Variants in ATP8A1 observed in about 807,000 individuals in gnomAD.
ATP8A1 encodes the protein phospholipid-transporting ATPase IA.
A neutral mutation model predicts 177.7 loss-of-function variants in ATP8A1; 90 were observed. The ratio of observed to expected loss-of-function variants is 0.51; its 90% CI spans 0.43 to 0.60. The LOEUF (loss-of-function observed/expected upper bound fraction) is 0.60, where lower values mean the gene tolerates loss of function less well. ATP8A1 is among the 20% of genes least tolerant of loss of function. The probability of loss-of-function intolerance (pLI) is 0.00; values close to 1 mark genes in which losing one functional copy is unlikely to be tolerated. For missense variants in ATP8A1, 1,072 were observed against 1,392.8 expected, an observed-to-expected ratio of 0.77 and a Z score of 3.67; for synonymous variants, 493 against 485.9, an observed-to-expected ratio of 1.01 and a Z score of -0.19.
intron 4 of ATP8A1, among the ~76,000 whole-genome samples, chr4:42,617,751 C>T (rs892510437): frequency 6.6e-6 from 1 of 152,174 alleles, no homozygotes; most frequent in Non-Finnish European, 1.5e-5. Context: ...AAACCCAAGG[C>T]GATCTTAAAC....
rs777962264 is a variant in ATP8A1 at position 42,413,028 on chromosome 4, T to C, written c.3398-15A>G. On this transcript the variant is annotated splice_polypyrimidine_tract_variant and intron_variant, in intron 36 of 36. Transcript: ENST00000381668. ...CGCATACCCATCTGTAGGTTAATGA[T>C]AAAACAGAAATTCTCACAAAGGCAC... is the stretch of plus-strand genomic sequence containing the variant. 6.8e-6 allele frequency: 11 copies of C among 1,608,382 alleles called. No individual in the cohort carries two copies. The Admixed American group carries it at 1.7e-4, about 24-fold the overall frequency.
chr4:42,515,981 C>T (rs1725489288), intron 22 of ATP8A1, among the ~76,000 whole-genome samples: 1 of 152,232 alleles, frequency 6.6e-6, no homozygotes, highest in East Asian at 1.9e-4. Flanking sequence ...ACATTTGATA[C>T]CAGTGCCTTC....
At chr4:42,635,782 C>CACACACATATATAT (rs1553920597) in intron 1 of ATP8A1, among the ~76,000 whole-genome samples, 1 of 51,992 alleles carries the variant, frequency 1.9e-5, no homozygotes, top group Admixed American at 2.1e-4. Flanking sequence ...CACACACACA[C>CACACACATATATAT]ATATATATAT....
chr4:42,524,662 T>C, intron 21 of ATP8A1, 101 bp downstream of exon 21: 2 of 653,724 alleles, frequency 3.1e-6, no homozygotes, highest in East Asian at 2.9e-5. Flanking sequence ...TATCTTACTT[T>C]AGGAATCTCT....
chr4:42,618,846 A>G (rs1237604314), intron 4 of ATP8A1, among the ~76,000 whole-genome samples: 2 of 152,108 alleles, frequency 1.3e-5, no homozygotes, highest in Non-Finnish European at 2.9e-5. Flanking sequence ...AGTCTAATAT[A>G]TCTTCATTTT....
chr4:42,600,399 A>T (rs1735126881), intron 6 of ATP8A1, 79 bp downstream of exon 6: 1 of 1,161,966 alleles, frequency 8.6e-7, no homozygotes, highest in Non-Finnish European at 1.2e-6. Context: ...ATTTGCTCAT[A>T]TTATACAAAA....
intron 5 of ATP8A1, 133 bp downstream of exon 5, chr4:42,615,900 C>CA: frequency 1.3e-6 from 1 of 748,428 alleles, no homozygotes; most frequent in South Asian, 2.0e-5. Flanking sequence ...TGCCACAAAG[C>CA]AAAAATCAAT....
At chr4:42,492,498 C>G (rs1374767364) in intron 24 of ATP8A1, among the ~76,000 whole-genome samples, 1 of 152,062 alleles carries the variant, frequency 6.6e-6, no homozygotes, top group Admixed American at 6.6e-5. Flanking sequence ...GGATTAGGGT[C>G]CTTAAAGCAT....
At chr4:42,493,974 G>C (rs1722986668) in intron 24 of ATP8A1, among the ~76,000 whole-genome samples, 1 of 151,904 alleles carries the variant, frequency 6.6e-6, no homozygotes, top group Non-Finnish European at 1.5e-5. Flanking sequence ...GGCCGAGGAA[G>C]GCAGATCACT....
chr4:42,630,525 T>C (rs1738621121), intron 1 of ATP8A1, among the ~76,000 whole-genome samples: 1 of 152,042 alleles, frequency 6.6e-6, no homozygotes, highest in African/African-American at 2.4e-5. Context: ...AGAAGCCTTC[T>C]TTGTCTGTAA....
chr4:42,626,949 C>T, intron 2 of ATP8A1, 46 bp downstream of exon 2: 1 of 1,449,300 alleles, frequency 6.9e-7, no homozygotes, highest in Non-Finnish European at 9.7e-7. Flanking sequence ...ACCTAACCAG[C>T]TCTGCTCTGC....
chr4:42,504,280 C>T (rs551459622), intron 23 of ATP8A1, among the ~76,000 whole-genome samples: 1 of 152,136 alleles, frequency 6.6e-6, no homozygotes, highest in Non-Finnish European at 1.5e-5. Context: ...CTTACTTAAC[C>T]GCAGACACTT....
In ATP8A1 at chr4:42,581,690, A is replaced by C. The variant is rs1560484334; in HGVS notation, c.765T>G (p.Ala255=). ...GAACCCACTGTGTATTTCTCAACTG[A>C]GCTCCTCGAAGAAGAATCTGATCTG... is the stretch of plus-strand genomic sequence containing the variant. ...LGADQILLRG[A]QLRNTQWVHG... Residue 255 remains alanine, a synonymous_variant, in exon 10 of 37, where the codon GCT becomes GCG. Transcript: ENST00000381668. The C allele has an allele frequency of 1.9e-6, 3 of 1,614,118 alleles. No individual in the cohort carries two copies. The highest frequency in any genetic ancestry group is 1.7e-6 in the Non-Finnish European group (2 of 1,180,000).
intron 19 of ATP8A1, among the ~76,000 whole-genome samples, chr4:42,547,161 A>G (rs1045022883): frequency 6.6e-6 from 1 of 152,104 alleles, no homozygotes; most frequent in Non-Finnish European, 1.5e-5. Context: ...CAAACATTTC[A>G]ACCTCCACAT....
At position 42,465,006 on chromosome 4, in the gene ATP8A1, T is replaced by C. The variant is rs1426712920; in HGVS notation, c.2395A>G (p.Ile799Val). ...KKQVKVVTLA[I>V]GDGANDVSMI... ...CTGACATCATTTGCTCCATCACCGA[T>C]TGCAAGCGTTACGACTTTGACTTGT... The change falls in exon 26 of 37, where the codon ATC (isoleucine) becomes GTC (valine). Residue 799 changes from isoleucine (I) to valine (V), a missense_variant. Around this residue, in one of 5 missense-constraint regions of ATP8A1, gnomAD observed 316 missense variants for 459.1 expected, o/e 0.69. Coordinates refer to ENST00000381668, the MANE Select transcript of ATP8A1 (RefSeq NM_006095.2). 4 of 1,614,098 alleles carry C rather than the reference T, an allele frequency of 2.5e-6. No homozygotes were observed. The highest frequency in any genetic ancestry group is 2.7e-5 in the African/African-American group (2 of 74,938).
chr4:42,520,138 T>C (rs1184751539), intron 22 of ATP8A1, among the ~76,000 whole-genome samples: 1 of 152,206 alleles, frequency 6.6e-6, no homozygotes, highest in Non-Finnish European at 1.5e-5. Flanking sequence ...TAAAAAACTC[T>C]AGGGCATCCA....
At chr4:42,548,446 T>C (rs1200334725) in intron 19 of ATP8A1, among the ~76,000 whole-genome samples, 1 of 152,206 alleles carries the variant, frequency 6.6e-6, no homozygotes, top group Admixed American at 6.5e-5. Context: ...TACATATTTA[T>C]GGGGTATATG....
chr4:42,551,463 C>T (rs1270260946), intron 17 of ATP8A1, among the ~76,000 whole-genome samples, 183 bp from the exon 18 acceptor site: 1 of 152,154 alleles, frequency 6.6e-6, no homozygotes, highest in Non-Finnish European at 1.5e-5. Flanking sequence ...GGATAATAAT[C>T]TTAAGTGTTG....
At chr4:42,537,765 CACAA>C (rs370036195) in intron 20 of ATP8A1, among the ~76,000 whole-genome samples, 22 of 152,302 alleles carry the variant, frequency 1.4e-4, no homozygotes, top group African/African-American at 3.1e-4. Flanking sequence ...TCACAGACGA[CACAA>C]ACAAAGGCAA....
Sources: allele counts gnomAD v4.1 joint callset (sites outside exome capture counted in the v4.1 genomes callset), GRCh38; gene constraint gnomAD v4.1.1; regional missense constraint gnomAD v4.1.1; transcripts MANE v1.5; gene names NCBI Gene and HGNC (gene_info 2026-07-23, HGNC 2026-07-21).